Variants in PLCB1 observed in about 807,000 individuals in gnomAD.
The protein encoded by PLCB1 is 1-phosphatidylinositol 4,5-bisphosphate phosphodiesterase beta-1.
PLCB1 carries 46 observed loss-of-function variants against 161.8 expected under a neutral mutation model. The ratio of observed to expected loss-of-function variants is 0.28; its 90% CI spans 0.22 to 0.36. The LOEUF is 0.36. PLCB1 is among the 10% of genes least tolerant of loss of function. The pLI, the probability that PLCB1 is intolerant of heterozygous loss-of-function variation, is 1.00. For synonymous variants in PLCB1, 517 were observed against 503.7 expected (o/e 1.03, Z -0.35); for missense variants, 1,016 against 1,472.5 (o/e 0.69, Z 5.07).
At chr20:8,198,606 T>G (rs2123121486) in intron 2 of PLCB1, among the ~76,000 whole-genome samples, 1 of 152,164 alleles carries the variant, frequency 6.6e-6, no homozygotes, top group Non-Finnish European at 1.5e-5. Context: ...CCATGTAAAC[T>G]CCAGCCATCA....
intron 31 of PLCB1, among the ~76,000 whole-genome samples, chr20:8,806,590 CTCT>C (rs1423046334): frequency 3.9e-5 from 6 of 152,162 alleles, no homozygotes; most frequent in Non-Finnish European, 8.8e-5. Context: ...CCCATTCCTC[CTCT>C]TAAGTCTGTC....
At chr20:8,480,407 G>A (rs1568692277) in intron 3 of PLCB1, among the ~76,000 whole-genome samples, 1 of 152,152 alleles carries the variant, frequency 6.6e-6, no homozygotes, top group African/African-American at 2.4e-5. Context: ...TCCTGAAACT[G>A]GGGGGAGGAG....
chr20:8,678,669 C>T (rs1441562360), intron 9 of PLCB1, among the ~76,000 whole-genome samples: 1 of 152,194 alleles, frequency 6.6e-6, no homozygotes, highest in Non-Finnish European at 1.5e-5. Flanking sequence ...CCCTTGGTGA[C>T]TCCACACACT....
At chr20:8,309,980 A>G (rs1028043712) in intron 2 of PLCB1, among the ~76,000 whole-genome samples, 1 of 152,136 alleles carries the variant, frequency 6.6e-6, no homozygotes, top group African/African-American at 2.4e-5. Flanking sequence ...TAGGTCAGCA[A>G]TGAGTCTTAA....
chr20:8,760,433 G>C lies in PLCB1; in HGVS notation c.2683G>C (p.Glu895Gln), dbSNP rs1306086581. 6.2e-7 allele frequency: 1 copy of C among 1,611,172 alleles called. No homozygotes were observed. Among genetic ancestry groups the C allele is most frequent in the African/African-American group, 1.3e-5 (1 of 74,978 alleles). ...TTCTGTAAAGGCACCTGCCAAAACA[G>C]AAGATCTTATTCAGAGTGTCTTAAC... is the stretch of plus-strand genomic sequence containing the variant. Reference protein sequence around the residue: ...PGSVKAPAKTEDLIQSVLTEV... With the variant: ...PGSVKAPAKTQDLIQSVLTEV... The change falls in exon 25 of 32, where the codon GAA becomes CAA. Residue 895 changes from glutamate to glutamine, a missense_variant. Transcript: ENST00000338037.
chr20:8,244,758 G>A (rs1326314482), intron 2 of PLCB1, among the ~76,000 whole-genome samples: 1 of 151,810 alleles, frequency 6.6e-6, no homozygotes, highest in Non-Finnish European at 1.5e-5. Context: ...ACCTCAAAAT[G>A]TTTCACAACA....
chr20:8,767,478 A>G (rs1454799691), intron 26 of PLCB1, among the ~76,000 whole-genome samples: 1 of 152,134 alleles, frequency 6.6e-6, no homozygotes, highest in African/African-American at 2.4e-5. Flanking sequence ...CCATGATGAG[A>G]TAGGGCAGTT....
intron 2 of PLCB1, among the ~76,000 whole-genome samples, chr20:8,304,706 G>A (rs1038179141): frequency 6.6e-6 from 1 of 151,768 alleles, no homozygotes; most frequent in African/African-American, 2.4e-5. Flanking sequence ...ATAATAAATA[G>A]CCAATACATA....
At chr20:8,225,242 C>T (rs1235451196) in intron 2 of PLCB1, among the ~76,000 whole-genome samples, 1 of 152,090 alleles carries the variant, frequency 6.6e-6, no homozygotes, top group Non-Finnish European at 1.5e-5. Flanking sequence ...AGCATTTCTC[C>T]ATTGTGTCAT....
intron 2 of PLCB1, among the ~76,000 whole-genome samples, chr20:8,356,881 A>T (rs564430320): frequency 4.6e-5 from 7 of 152,330 alleles, no homozygotes; most frequent in Non-Finnish European, 7.4e-5. Flanking sequence ...TAAGAAAATT[A>T]TGGAAGACTT....
intron 2 of PLCB1, chr20:8,305,984 A>G (rs1441330783): frequency 6.6e-6 from 1 of 152,196 alleles, no homozygotes. Context: ...GCAGCAGCAG[A>G]TGGTGGGCTA....
chr20:8,362,870 T>A (rs1986589721), intron 2 of PLCB1, among the ~76,000 whole-genome samples: 1 of 152,174 alleles, frequency 6.6e-6, no homozygotes. Flanking sequence ...TATCCAAAAT[T>A]TTTAGAAAAA....
chr20:8,391,703 C>T (rs17348028), intron 3 of PLCB1, among the ~76,000 whole-genome samples: 10,068 of 148,972 alleles, frequency 0.068, 409 homozygotes, highest in African/African-American at 0.087. Flanking sequence ...TCCCTATGGG[C>T]CTTAAGTTCA....
intron 2 of PLCB1, among the ~76,000 whole-genome samples, chr20:8,208,313 A>G (rs976453560): frequency 1.3e-5 from 2 of 152,134 alleles, no homozygotes; most frequent in African/African-American, 4.8e-5. Context: ...TTCACTCTAC[A>G]GTTAAGCTAA....
At chr20:8,758,562 C>T (rs1981857320) in intron 24 of PLCB1, among the ~76,000 whole-genome samples, 1 of 151,440 alleles carries the variant, frequency 6.6e-6, no homozygotes, top group African/African-American at 2.4e-5. Flanking sequence ...GCCTGAGTGA[C>T]AGAGCGAGGC....
chr20:8,656,000 C>T (rs1218242384), intron 7 of PLCB1, among the ~76,000 whole-genome samples: 3 of 151,916 alleles, frequency 2.0e-5, no homozygotes, highest in Non-Finnish European at 4.4e-5. Flanking sequence ...ATACTTGTTC[C>T]CTTTTTATGA....
intron 31 of PLCB1, among the ~76,000 whole-genome samples, chr20:8,831,913 T>TCTTTCTTC (rs1986008823): frequency 2.9e-4 from 1 of 3,502 alleles, no homozygotes; most frequent in African/African-American, 8.3e-4. Flanking sequence ...TCTTTCTTTC[T>TCTTTCTTC]CTTTCTTTCT....
At chr20:8,461,237 T>C (rs1018647524) in intron 3 of PLCB1, among the ~76,000 whole-genome samples, 1 of 152,138 alleles carries the variant, frequency 6.6e-6, no homozygotes, top group African/African-American at 2.4e-5. Context: ...CCAAGAATAT[T>C]ATGTATGCAT....
At chr20:8,423,556 T>C (rs1462804450) in intron 3 of PLCB1, among the ~76,000 whole-genome samples, 1 of 152,194 alleles carries the variant, frequency 6.6e-6, no homozygotes, top group East Asian at 1.9e-4. Context: ...TGAAGAATTT[T>C]TTATATATCA....
Sources: allele counts gnomAD v4.1 joint callset (sites outside exome capture counted in the v4.1 genomes callset), GRCh38; gene constraint gnomAD v4.1.1; transcripts MANE v1.5; gene names NCBI Gene and HGNC (gene_info 2026-07-23, HGNC 2026-07-21).